The following SLC28A3 variants were observed in gnomAD, a reference collection of about 807,000 sequenced individuals.
SLC28A3 encodes solute carrier family 28 member 3.
A neutral mutation model predicts 84.2 loss-of-function variants in SLC28A3; 68 were observed. The ratio of observed to expected loss-of-function variants is 0.81; its 90% CI spans 0.66 to 0.99. The LOEUF (loss-of-function observed/expected upper bound fraction) is 0.99, where lower values mean the gene tolerates loss of function less well. SLC28A3 is among the 50% of genes least tolerant of loss of function. The pLI, the probability that SLC28A3 is intolerant of heterozygous loss-of-function variation, is 0.00. For missense variants in SLC28A3, 712 were observed against 841.5 expected (o/e 0.85, Z 1.90); for synonymous variants, 267 against 303.6 (o/e 0.88, Z 1.25).
intron 1 of SLC28A3, among the ~76,000 whole-genome samples, chr9:84,335,712 CGTGTGTGTGTGT>C (rs56259271): frequency 1.1e-4 from 16 of 148,932 alleles, no homozygotes; most frequent in Admixed American, 5.4e-4. Context: ...TATGTATATA[CGTGTGTGTGTGT>C]GTGTGTGTGT....
At chr9:84,363,903 G>A in the SLC28A3 span, among the ~76,000 whole-genome samples, 1 of 152,028 alleles carries the variant, frequency 6.6e-6, no homozygotes, top group Admixed American at 6.6e-5. Context: ...TTTCCATACT[G>A]ACCAAAGTTT....
At chr9:84,302,526 T>C (rs1474875456) in intron 4 of SLC28A3, 137 bp from the exon 5 acceptor site, 2 of 756,966 alleles carry the variant, frequency 2.6e-6, no homozygotes, top group Non-Finnish European at 4.1e-6. Flanking sequence ...GCTCTTGATA[T>C]GGCTACTGGC....
intron 15 of SLC28A3, 101 bp downstream of exon 15, chr9:84,280,700 A>C: frequency 4.5e-6 from 5 of 1,101,324 alleles, no homozygotes; most frequent in South Asian, 1.3e-5. Context: ...TGACTGTTGC[A>C]AAGGCCTTTG....
chr9:84,343,012 A>C (rs764116875), upstream of SLC28A3, among the ~76,000 whole-genome samples: 2 of 152,012 alleles, frequency 1.3e-5, no homozygotes, highest in Non-Finnish European at 2.9e-5. Flanking sequence ...ATACTACAAA[A>C]ATTAGCCAGG....
At chr9:84,278,429 C>T (rs1824604523) in intron 17 of SLC28A3, 85 bp from the exon 18 acceptor site, 1 of 1,544,786 alleles carries the variant, frequency 6.5e-7, no homozygotes, top group African/African-American at 1.4e-5. Context: ...AAAAATAGTT[C>T]AGGGCAGGAA....
At chr9:84,285,094 T>C (rs1824925937) in intron 14 of SLC28A3, among the ~76,000 whole-genome samples, 1 of 152,158 alleles carries the variant, frequency 6.6e-6, no homozygotes, top group African/African-American at 2.4e-5. Flanking sequence ...TCCACAGTCC[T>C]CAAAAGTAGA....
the SLC28A3 span, among the ~76,000 whole-genome samples, chr9:84,361,559 A>G: frequency 1.3e-5 from 2 of 152,120 alleles, no homozygotes; most frequent in South Asian, 4.1e-4. Flanking sequence ...TTGTCAGGTG[A>G]AAGGCTCTCG....
chr9:84,319,253 T>C (rs1826280167), intron 1 of SLC28A3, among the ~76,000 whole-genome samples: 3 of 152,248 alleles, frequency 2.0e-5, no homozygotes, highest in Non-Finnish European at 2.9e-5. Flanking sequence ...TATTTATCTA[T>C]GACATTAACC....
rs1353384646 is a variant in SLC28A3, at chr9:84,275,550, G to A, written c.*2668C>T. On this transcript the variant is annotated 3_prime_UTR_variant, in exon 18 of 18. Coordinates refer to ENST00000376238, the MANE Select transcript of SLC28A3 (RefSeq NM_001199633.2). ...GGCATGCCATCTTTGCCCACTATAT[G>A]TACATGGGTGAAGGAGAAACTGGGG... 2.0e-5 allele frequency: 3 copies of A among 152,202 alleles called. No individual in the cohort carries two copies. The highest frequency in any genetic ancestry group is 6.5e-5 in the Admixed American group (1 of 15,276). 9.4% of individuals were successfully genotyped at this position (152,202 alleles called of 1,614,324 possible).
chr9:84,312,089 T>A (rs943617999), intron 2 of SLC28A3, among the ~76,000 whole-genome samples: 9 of 152,242 alleles, frequency 5.9e-5, no homozygotes, highest in Non-Finnish European at 1.2e-4. Context: ...AGACACTGCA[T>A]GTCTGAATGT....
chr9:84,300,034 T>C (rs1323826650), intron 5 of SLC28A3, among the ~76,000 whole-genome samples: 1 of 152,096 alleles, frequency 6.6e-6, no homozygotes, highest in East Asian at 1.9e-4. Context: ...CTCAGGCGAT[T>C]GCCCGCCTCG....
chr9:84,283,179 G>C (rs1824828439), intron 14 of SLC28A3, among the ~76,000 whole-genome samples: 1 of 152,242 alleles, frequency 6.6e-6, no homozygotes, highest in Admixed American at 6.5e-5. Context: ...GGTTTTAGAA[G>C]AGAAAAAGGA....
At chr9:84,279,599 A>T (rs1391577103) in intron 16 of SLC28A3, among the ~76,000 whole-genome samples, 1 of 152,018 alleles carries the variant, frequency 6.6e-6, no homozygotes, top group Non-Finnish European at 1.5e-5. Flanking sequence ...GCACCCAGCT[A>T]ATTTTTGTAT....
intron 4 of SLC28A3, among the ~76,000 whole-genome samples, chr9:84,303,573 G>A (rs917022450): frequency 1.3e-5 from 2 of 152,154 alleles, no homozygotes; most frequent in African/African-American, 4.8e-5. Context: ...ACCCACCTCG[G>A]CCTCCAAAAG....
intron 1 of SLC28A3, among the ~76,000 whole-genome samples, chr9:84,325,466 C>G (rs2118538592): frequency 6.6e-6 from 1 of 152,324 alleles, no homozygotes; most frequent in African/African-American, 2.4e-5. Context: ...GACTCCCTGA[C>G]CCTGAAAGTA....
At chr9:84,296,227 C>T (rs1338841298) in intron 8 of SLC28A3, among the ~76,000 whole-genome samples, 1 of 152,210 alleles carries the variant, frequency 6.6e-6, no homozygotes, top group Non-Finnish European at 1.5e-5. Flanking sequence ...TATCTCAGCC[C>T]TAAAACATCA....
At chr9:84,316,121 A>G (rs992902715) in intron 1 of SLC28A3, among the ~76,000 whole-genome samples, 1 of 152,176 alleles carries the variant, frequency 6.6e-6, no homozygotes, top group African/African-American at 2.4e-5. Flanking sequence ...TTTGTTTCCC[A>G]CCATTTCTTT....
At chr9:84,309,750 G>A (rs777446281) in intron 2 of SLC28A3, 36 bp from the exon 3 acceptor site, 2 of 1,583,546 alleles carry the variant, frequency 1.3e-6, no homozygotes, top group South Asian at 1.1e-5. Flanking sequence ...ATGGAATAAT[G>A]AGCATCCTGG....
chr9:84,334,644 C>T (rs1381152899), intron 1 of SLC28A3, among the ~76,000 whole-genome samples: 2 of 146,378 alleles, frequency 1.4e-5, no homozygotes, highest in Non-Finnish European at 3.0e-5. Context: ...TTTTTTTTAA[C>T]ATAAAAACAC....
Sources: allele counts gnomAD v4.1 joint callset (sites outside exome capture counted in the v4.1 genomes callset), GRCh38; gene constraint gnomAD v4.1.1; transcripts MANE v1.5; gene names NCBI Gene and HGNC (gene_info 2026-07-23, HGNC 2026-07-21).